ATP1A4: variants seen among roughly 807,000 people sequenced by gnomAD.
The protein encoded by ATP1A4 is sodium/potassium-transporting ATPase subunit alpha-4.
Under a neutral mutation model 114.3 loss-of-function variants are expected in ATP1A4, and 90 were observed. That is an observed-to-expected ratio of 0.79 (90% confidence interval 0.66 to 0.94). The LOEUF (loss-of-function observed/expected upper bound fraction) is 0.94, where lower values mean the gene tolerates loss of function less well. Ranked by LOEUF, ATP1A4 falls within the 40% of genes least tolerant of loss-of-function variation. ATP1A4 has a pLI of 0.00. For synonymous variants in ATP1A4, 511 were observed against 494.1 expected (o/e 1.03, Z -0.45); for missense variants, 1,222 against 1,313.6 (o/e 0.93, Z 1.08).
rs773813613 is a variant in ATP1A4, at chr1:160,181,692, G to A, written c.2745G>A (p.Glu915=). 3 of 1,613,978 alleles carry A rather than the reference G, an allele frequency of 1.9e-6. No individual in the cohort carries two copies. The highest frequency in any genetic ancestry group is 2.2e-5 in the South Asian group (2 of 91,070). Residue 915 remains glutamate, a synonymous_variant, in exon 19 of 22, where the codon GAG becomes GAA. Transcript: ENST00000368081. ...CTCCCTGCTGTCTCTAGACCTATGAGCAACGAAAAGTTGTGGAGTTCACAT... is the reference window on the plus strand; with the variant it reads ...CTCCCTGCTGTCTCTAGACCTATGAACAACGAAAAGTTGTGGAGTTCACAT... The part of the protein sequence containing the change: ...EDSYGQQWTY[E]QRKVVEFTCQ...
chr1:160,175,688 G>A (rs946297867), intron 15 of ATP1A4, among the ~76,000 whole-genome samples: 2 of 152,064 alleles, frequency 1.3e-5, no homozygotes, highest in African/African-American at 4.8e-5. Flanking sequence ...TGAAGCTCAC[G>A]GAGGTGAGGG....
chr1:160,181,878 C>T (rs913385069), intron 19 of ATP1A4, 52 bp from the exon 20 acceptor site: 2 of 1,613,744 alleles, frequency 1.2e-6, no homozygotes, highest in African/African-American at 2.7e-5. Context: ...ATGCCATTTC[C>T]CCCTGCCTTT....
intron 2 of ATP1A4, 53 bp downstream of exon 2, chr1:160,153,277 G>T (rs990062095): frequency 2.2e-5 from 33 of 1,528,292 alleles, no homozygotes; most frequent in Admixed American, 5.0e-5. Flanking sequence ...TGACTGTGAG[G>T]CTGCCAGGAC....
Position 160,173,581 on chromosome 1 carries a change from G to T in ATP1A4, c.1855G>T (p.Val619Leu). Residue 619 changes from valine to leucine, a missense_variant and splice_region_variant, in exon 13 of 22, where the codon GTG (valine) becomes TTG (leucine). Coordinates refer to ENST00000368081, the MANE Select transcript of ATP1A4 (RefSeq NM_144699.4). ...VSKCRSAGIK[V>L]IMVTGDHPIT... The stretch of plus-strand genomic sequence containing the variant: ...CTCTTCCCTCTCCTTCCCAACCCAG[G>T]TGATCATGGTAACAGGAGATCATCC... 2 of 1,613,242 alleles carry T rather than the reference G, an allele frequency of 1.2e-6. No individual in the cohort carries two copies. Among genetic ancestry groups the T allele is most frequent in the Non-Finnish European group, 1.7e-6 (2 of 1,179,206 alleles).
intron 17 of ATP1A4, 138 bp downstream of exon 17, chr1:160,176,740 C>T: frequency 8.6e-7 from 1 of 1,168,830 alleles, no homozygotes; most frequent in Non-Finnish European, 1.2e-6. Flanking sequence ...CACAAAGAAC[C>T]ACTCATCTCT....
At chr1:160,172,226 G>A (rs1404830541) in intron 12 of ATP1A4, among the ~76,000 whole-genome samples, 1 of 152,204 alleles carries the variant, frequency 6.6e-6, no homozygotes, top group East Asian at 1.9e-4. Context: ...CGATGCTGTT[G>A]CTGCTGGTCT....
chr1:160,166,835 G>A (rs1653058333), intron 8 of ATP1A4, 109 bp downstream of exon 8: 1 of 1,524,378 alleles, frequency 6.6e-7, no homozygotes, highest in Non-Finnish European at 9.0e-7. Context: ...TGAAAGTGGA[G>A]TGGAGAAGAG....
At chr1:160,158,674 A>C (rs1983723) in intron 4 of ATP1A4, among the ~76,000 whole-genome samples, 91,350 of 151,974 alleles carry the variant, frequency 0.6, 27,707 homozygotes, top group Admixed American at 0.66. Context: ...GCCACCAGTC[A>C]CGGCCTGAAA....
chr1:160,186,346 C>CT lies in ATP1A4; in HGVS notation c.3041dup (p.Ile1015HisfsTer50). The CT allele has an allele frequency of 6.2e-7, 1 of 1,613,632 alleles. No individual in the cohort carries two copies. The highest frequency in any genetic ancestry group is 1.3e-5 in the African/African-American group (1 of 75,008). On this transcript the variant is annotated frameshift_variant, in exon 21 of 22. Transcript: ENST00000368081. LOFTEE classifies it high-confidence loss of function. ...CGTCTATGATGAAATCAGAAAACTCCTCATCCGTCAGCACCCGGATGGTGA... is the reference window on the plus strand; with the variant it reads ...CGTCTATGATGAAATCAGAAAACTCCTTCATCCGTCAGCACCCGGATGGTGA...
intron 18 of ATP1A4, among the ~76,000 whole-genome samples, chr1:160,179,433 T>C (rs1303544990): frequency 6.6e-6 from 1 of 152,256 alleles, no homozygotes; most frequent in Admixed American, 6.5e-5. Context: ...AAGTTAAGAA[T>C]TCCCCCCTGC....
At chr1:160,162,188 G>A (rs1236254775) in intron 6 of ATP1A4, among the ~76,000 whole-genome samples, 3 of 152,188 alleles carry the variant, frequency 2.0e-5, no homozygotes, top group Admixed American at 6.5e-5. Context: ...GAGTCTTTCT[G>A]CTTTTAAAAT....
chr1:160,168,217 T>C (rs115958871), intron 10 of ATP1A4, among the ~76,000 whole-genome samples: 8,757 of 152,074 alleles, frequency 0.058, 289 homozygotes, highest in Non-Finnish European at 0.08. Context: ...TTATCAGAAT[T>C]GGAGCTTTGC....
rs1209109616 is a variant in ATP1A4 at position 160,151,960 on chromosome 1, C to T, written c.-81C>T. The T allele has an allele frequency of 3.4e-5, 52 of 1,515,418 alleles. No individual in the cohort carries two copies. The highest frequency in any genetic ancestry group is 4.2e-5 in the African/African-American group (3 of 71,866). The allele number at this position is 1,515,418 out of a possible 1,614,324, so 93.9% of individuals were successfully genotyped here. ...TCTTCTCGTGGCCCCCTTGCCCGCG[C>T]GCCCTCTTCCCTTCCCCTTGCCTCA... On this transcript the variant is annotated 5_prime_UTR_variant, in exon 1 of 22. Transcript: ENST00000368081.
intron 18 of ATP1A4, among the ~76,000 whole-genome samples, chr1:160,180,243 T>C (rs1215373313): frequency 1.3e-5 from 2 of 152,234 alleles, no homozygotes; most frequent in African/African-American, 4.8e-5. Context: ...AGCCTTTGTG[T>C]TCTACCGTTT....
Position 160,153,202 on chromosome 1 carries a change from A to C in ATP1A4, c.185A>C (p.Lys62Thr). 6.2e-7 allele frequency: 1 copy of C among 1,613,910 alleles called. No homozygotes were observed. The highest frequency in any genetic ancestry group is 8.5e-7 in the Non-Finnish European group (1 of 1,179,894). ...TTAACCTTGGAAGAGCTGAGCACCA[A>C]GTACTCCGTGGACCTGACAAAGGTG... ...HKLTLEELST[K>T]YSVDLTKGHS... The change falls in exon 2 of 22, where the codon AAG (lysine) becomes ACG (threonine). Residue 62 changes from lysine (K) to threonine (T), a missense_variant. Lys to Thr is a moderately conservative substitution (Grantham distance 78, BLOSUM62 -1). Transcript: ENST00000368081.
In ATP1A4 at chr1:160,174,606, G is replaced by A. The variant is rs138546868; in HGVS notation, c.2170G>A (p.Gly724Arg). 9.3e-4 allele frequency: 1,502 copies of A among 1,614,098 alleles called. 2 individuals are homozygous for A. The highest frequency in any genetic ancestry group is 1.2e-3 in the Non-Finnish European group (1,379 of 1,179,972). ...LGAVVAVTGD[G>R]VNDSPALKKA... ...AGCCGTTGTGGCCGTGACAGGTGAC[G>A]GGGTGAACGACTCCCCTGCGCTGAA... The change falls in exon 15 of 22, where the codon GGG becomes AGG. Residue 724 changes from glycine to arginine, a missense_variant. Physicochemically the swap from Gly to Arg is moderately radical, Grantham distance 125. Coordinates refer to ENST00000368081, the MANE Select transcript of ATP1A4 (RefSeq NM_144699.4).
chr1:160,156,432 T>C (rs1652669068), intron 4 of ATP1A4, among the ~76,000 whole-genome samples: 1 of 151,288 alleles, frequency 6.6e-6, no homozygotes, highest in Non-Finnish European at 1.5e-5. Context: ...AAGAACATTC[T>C]ATTTTTTTAA....
intron 7 of ATP1A4, 44 bp downstream of exon 7, chr1:160,164,468 C>A (rs779138048): frequency 1.9e-6 from 3 of 1,602,526 alleles, no homozygotes; most frequent in South Asian, 1.1e-5. Flanking sequence ...AGACAAACCA[C>A]CCCAGGGAAA....
rs146860131 is a variant in ATP1A4, at chr1:160,152,095, C to T, written c.55C>T (p.Arg19Ter). 7.0e-5 allele frequency: 113 copies of T among 1,613,650 alleles called. No individual in the cohort carries two copies. The East Asian group carries it at 2.0e-3, about 29-fold the overall frequency. The stretch of plus-strand genomic sequence containing the variant: ...GGCTCCCCATGACCAGAGTCCAAGA[C>T]GAAGACCTAAAAAAGGGCTTATCAA... ...TVAPHDQSPR[R>*]RPKKGLIKKK... Residue 19 changes from arginine to a stop codon, truncating the protein, a stop_gained, in exon 1 of 22, where the codon CGA becomes TGA. Transcript: ENST00000368081. LOFTEE classifies it high-confidence loss of function.
Sources: gnomAD v4.1 joint callset for allele counts (sites outside exome capture counted in the v4.1 genomes callset) on GRCh38, gnomAD v4.1.1 for gene constraint, MANE v1.5 for transcripts, NCBI Gene and HGNC (gene_info 2026-07-23, HGNC 2026-07-21) for gene names.